The following KCNJ3 variants were observed in gnomAD, a reference collection of about 807,000 sequenced individuals.
KCNJ3 encodes the protein G protein-activated inward rectifier potassium channel 1.
In KCNJ3, 4 loss-of-function variants were observed where a neutral mutation model predicts 39.2. The ratio of observed to expected loss-of-function variants is 0.10; its 90% CI spans 0.05 to 0.23. The LOEUF is 0.23. Ranked by LOEUF, KCNJ3 falls within the 10% of genes least tolerant of loss-of-function variation. The probability of loss-of-function intolerance (pLI) is 1.00; values close to 1 mark genes in which losing one functional copy is unlikely to be tolerated. For missense variants in KCNJ3, 276 were observed against 634.9 expected, an observed-to-expected ratio of 0.43 and a Z score of 6.08; for synonymous variants, 230 against 237.4, an observed-to-expected ratio of 0.97 and a Z score of 0.29.
rs990912780 is a variant in KCNJ3 at position 154,745,213 on chromosome 2, TG to T, written c.919+35395del. ...ATGTATTTGATGTTAATTGGTGGAA[TG>T]TTTTTTGTGAATTAGATCCTATTGG... is the stretch of plus-strand genomic sequence containing the variant. On this transcript the variant is annotated intron_variant, in intron 2 of 2. Coordinates refer to ENST00000295101, the MANE Select transcript of KCNJ3 (RefSeq NM_002239.4). 1.3e-4 allele frequency among the ~76,000 whole-genome samples: 20 copies of T among 152,146 alleles called. No individual in the cohort carries two copies. In the South Asian group the frequency reaches 3.1e-3, roughly 24 times the overall value.
rs771540725 is a variant in KCNJ3 at position 154,699,111 on chromosome 2, G to A, written c.336G>A (p.Leu112=). Residue 112 remains leucine, a synonymous_variant, in exon 1 of 3, where the codon CTG becomes CTA. Coordinates refer to ENST00000295101, the MANE Select transcript of KCNJ3 (RefSeq NM_002239.4). This position sits in a 1 kb window ranked among gnomAD's most constrained non-coding sequence, Gnocchi z 6.4. ...WWVIAYTRGD[L]NKAHVGNYTP... is the part of the protein sequence containing the mutation. ...TGATCGCCTACACTCGGGGCGACCT[G>A]AACAAAGCCCACGTCGGTAACTACA... is the stretch of plus-strand genomic sequence containing the variant. 7 of 1,614,230 alleles carry A rather than the reference G, an allele frequency of 4.3e-6. No individual in the cohort carries two copies. The highest frequency in any genetic ancestry group is 5.9e-6 in the Non-Finnish European group (7 of 1,180,042).
At chr2:154,702,772 T>A (rs1684925697) in intron 1 of KCNJ3, among the ~76,000 whole-genome samples, 1 of 151,974 alleles carries the variant, frequency 6.6e-6, no homozygotes, top group African/African-American at 2.4e-5. Context: ...TGTGATTGAA[T>A]TATAAATATA....
Position 154,738,813 on chromosome 2 carries a change from A to T in KCNJ3, c.919+28994A>T, listed in dbSNP as rs1236716693. ...CAAAAAAAGAAGGTGCAATTAAGCA[A>T]TTTTTTTTTCACACATACAAAATTG... On this transcript the variant is annotated intron_variant, in intron 2 of 2. Transcript: ENST00000295101. 2.6e-5 allele frequency among the ~76,000 whole-genome samples: 4 copies of T among 151,420 alleles called. No homozygotes were observed. The East Asian group carries it at 7.8e-4, about 29-fold the overall frequency.
intron 2 of KCNJ3, among the ~76,000 whole-genome samples, chr2:154,848,999 G>T (rs1238986417): frequency 1.3e-5 from 2 of 152,252 alleles, no homozygotes; most frequent in East Asian, 3.9e-4. Flanking sequence ...TACTACTAGT[G>T]ATAAACTCTC....
At chr2:154,722,616 A>G (rs1477283655) in intron 2 of KCNJ3, among the ~76,000 whole-genome samples, 8 of 152,112 alleles carry the variant, frequency 5.3e-5, no homozygotes, top group Non-Finnish European at 2.9e-5. Flanking sequence ...TAAGTCACGT[A>G]TGTGCACTTA....
chr2:154,777,996 TCC>T (rs1686369630), intron 2 of KCNJ3, among the ~76,000 whole-genome samples: 1 of 152,190 alleles, frequency 6.6e-6, no homozygotes. Flanking sequence ...TAGTGGATAT[TCC>T]CTAGCTAGCT....
chr2:154,830,276 T>C (rs572736226), intron 2 of KCNJ3, among the ~76,000 whole-genome samples: 2 of 152,138 alleles, frequency 1.3e-5, no homozygotes, highest in East Asian at 3.9e-4. Context: ...ACAAAAGACA[T>C]AATTTTTATT....
At chr2:154,851,112 C>T (rs569298172) in intron 2 of KCNJ3, among the ~76,000 whole-genome samples, 4 of 151,902 alleles carry the variant, frequency 2.6e-5, no homozygotes, top group Non-Finnish European at 5.9e-5. Flanking sequence ...CTTGGTGGCT[C>T]GTACCTGTCA....
intron 2 of KCNJ3, among the ~76,000 whole-genome samples, chr2:154,796,388 A>G (rs1048936980): frequency 6.6e-6 from 1 of 152,304 alleles, no homozygotes; most frequent in Non-Finnish European, 1.5e-5. Flanking sequence ...CTATTGAAGT[A>G]TTCCAATTTC....
rs373062062 is a variant in KCNJ3 at position 154,850,008 on chromosome 2, C to CTTTTTTTTTTTTTTTTTTTTTTTTTTT, written c.920-4709_920-4683dup. On this transcript the variant is annotated intron_variant, in intron 2 of 2. Coordinates refer to ENST00000295101, the MANE Select transcript of KCNJ3 (RefSeq NM_002239.4). ...TTGCAATGCAATGTACAGAATAAAT[C>CTTTTTTTTTTTTTTTTTTTTTTTTTTT]TTTTTTTTTTTTTTTTTTTTTTTTT... 6.1e-5 allele frequency among the ~76,000 whole-genome samples: 3 copies of CTTTTTTTTTTTTTTTTTTTTTTTTTTT among 48,860 alleles called. 1 individual carries two copies. Among genetic ancestry groups the CTTTTTTTTTTTTTTTTTTTTTTTTTTT allele is most frequent in the Admixed American group, 3.3e-4 (1 of 2,986 alleles). 32.1% of individuals were successfully genotyped at this position (48,860 alleles called of 152,430 possible).
chr2:154,841,053 T>C (rs748760057), intron 2 of KCNJ3, among the ~76,000 whole-genome samples: 12 of 152,214 alleles, frequency 7.9e-5, no homozygotes, highest in Non-Finnish European at 1.3e-4. Context: ...CCATTTAGTA[T>C]GATATTGGCT....
chr2:154,846,555 C>T (rs966696118), intron 2 of KCNJ3, among the ~76,000 whole-genome samples: 4 of 152,094 alleles, frequency 2.6e-5, no homozygotes, highest in African/African-American at 9.7e-5. Context: ...ACATGCCCAA[C>T]ATCTTACTAA....
chr2:154,767,649 G>T (rs1037376759), intron 2 of KCNJ3, among the ~76,000 whole-genome samples: 1 of 152,052 alleles, frequency 6.6e-6, no homozygotes, highest in Non-Finnish European at 1.5e-5. Context: ...ATAAACATAC[G>T]TGTGCATGTG....
intron 2 of KCNJ3, among the ~76,000 whole-genome samples, chr2:154,763,974 A>G (rs1300702221): frequency 2.0e-5 from 3 of 152,204 alleles, no homozygotes; most frequent in African/African-American, 7.2e-5. Context: ...TCTATGCTGC[A>G]TATCATAGAT....
chr2:154,729,661 TATC>T (rs1043373200), intron 2 of KCNJ3, among the ~76,000 whole-genome samples: 1 of 152,134 alleles, frequency 6.6e-6, no homozygotes, highest in Non-Finnish European at 1.5e-5. Flanking sequence ...AAAAGTTAAT[TATC>T]ATGACTTATC....
chr2:154,770,275 C>T (rs1330601453), intron 2 of KCNJ3, among the ~76,000 whole-genome samples: 1 of 152,134 alleles, frequency 6.6e-6, no homozygotes, highest in African/African-American at 2.4e-5. Flanking sequence ...ATATTGTACA[C>T]TAAAGTAATT....
At chr2:154,831,206 C>A (rs1010565549) in intron 2 of KCNJ3, among the ~76,000 whole-genome samples, 1 of 152,078 alleles carries the variant, frequency 6.6e-6, no homozygotes, top group Non-Finnish European at 1.5e-5. Context: ...ACAACAGTTA[C>A]CCCTTACTGA....
chr2:154,817,172 T>G (rs960407419), intron 2 of KCNJ3, among the ~76,000 whole-genome samples: 1 of 152,208 alleles, frequency 6.6e-6, no homozygotes, highest in Non-Finnish European at 1.5e-5. Context: ...TCCCATTAAT[T>G]TCATACTTCT....
Position 154,731,536 on chromosome 2 carries a change from T to G in KCNJ3, c.919+21717T>G, listed in dbSNP as rs367947184. ...ACATATTTGAGTTGAAATGTACAAG[T>G]TAAGTACATATTTGAGTTAAGGCAA... On this transcript the variant is annotated intron_variant, in intron 2 of 2. Transcript: ENST00000295101. 9.5e-4 allele frequency among the ~76,000 whole-genome samples: 145 copies of G among 152,180 alleles called. 1 individual carries two copies. In the South Asian group the frequency reaches 0.03, roughly 31 times the overall value.
Sources: gnomAD v4.1 joint callset for allele counts (sites outside exome capture counted in the v4.1 genomes callset) on GRCh38, gnomAD v4.1.1 for gene constraint, Gnocchi (gnomAD v3.1) non-coding constraint, MANE v1.5 for transcripts, NCBI Gene and HGNC (gene_info 2026-07-23, HGNC 2026-07-21) for gene names.